PLEKHA5: variants seen among roughly 807,000 people sequenced by gnomAD.
PLEKHA5 encodes the protein pleckstrin homology domain containing A5.
In PLEKHA5, 55 loss-of-function variants were observed where a neutral mutation model predicts 181.9. The ratio of observed to expected loss-of-function variants is 0.30; its 90% CI spans 0.24 to 0.38. The LOEUF (loss-of-function observed/expected upper bound fraction) is 0.38. PLEKHA5 is among the 10% of genes least tolerant of loss of function. PLEKHA5 has a pLI of 1.00. For missense variants in PLEKHA5, 1,432 were observed against 1,549.5 expected (o/e 0.92, Z 1.27); for synonymous variants, 535 against 529.4 (o/e 1.01, Z -0.15).
intron 3 of PLEKHA5, among the ~76,000 whole-genome samples, chr12:19,202,490 A>G (rs1168149212): frequency 1.3e-5 from 2 of 152,030 alleles, no homozygotes; most frequent in African/African-American, 2.4e-5. Flanking sequence ...GGCTCCACTG[A>G]CAGGTCAGGT....
rs757160330 is a variant in PLEKHA5 at position 19,283,713 on chromosome 12, A to G, written c.1747A>G (p.Ile583Val). Reference sequence around the variant, plus strand: ...ACCAATTCAGAGAGGAGATGTGACAATAGACCGCAGACACAGGGCCCATCA... The same window carrying G: ...ACCAATTCAGAGAGGAGATGTGACAGTAGACCGCAGACACAGGGCCCATCA... ...SSPIQRGDVT[I>V]DRRHRAHHPK... is the part of the protein sequence containing the mutation. The change falls in exon 12 of 32, where the codon ATA becomes GTA. Residue 583 changes from isoleucine to valine, a missense_variant. Physicochemically the swap from Ile to Val is conservative, Grantham distance 29. Around this residue, in one of 2 missense-constraint regions of PLEKHA5, gnomAD observed 1,143 missense variants for 1,168.4 expected, o/e 0.98. Transcript: ENST00000429027. 20 of 1,613,874 alleles carry G rather than the reference A, an allele frequency of 1.2e-5. No individual in the cohort carries two copies. Among genetic ancestry groups the G allele is most frequent in the Non-Finnish European group, 1.7e-5 (20 of 1,179,854 alleles).
At chr12:19,132,049 C>T (rs1385335732) in intron 2 of PLEKHA5, among the ~76,000 whole-genome samples, 2 of 152,146 alleles carry the variant, frequency 1.3e-5, no homozygotes, top group African/African-American at 4.8e-5. Flanking sequence ...CTGTTATACC[C>T]AGCTTTTTTT....
chr12:19,350,838 A>T (rs1037645950), intron 25 of PLEKHA5, among the ~76,000 whole-genome samples: 1 of 152,228 alleles, frequency 6.6e-6, no homozygotes, highest in Admixed American at 6.5e-5. Flanking sequence ...TCATTGTTGG[A>T]ATATTTTTCT....
intron 15 of PLEKHA5, among the ~76,000 whole-genome samples, chr12:19,312,947 A>T (rs923579011): frequency 6.6e-6 from 1 of 152,170 alleles, no homozygotes; most frequent in Non-Finnish European, 1.5e-5. Context: ...TTTCACTTGC[A>T]CTGTTAGAAG....
intron 29 of PLEKHA5, among the ~76,000 whole-genome samples, chr12:19,363,733 C>T (rs1216274665): frequency 1.3e-5 from 2 of 152,036 alleles, no homozygotes; most frequent in Non-Finnish European, 2.9e-5. Flanking sequence ...CTCAGGTGAT[C>T]CACCCGCCTC....
At chr12:19,362,772 AAAAG>A (rs1167026751) in intron 29 of PLEKHA5, among the ~76,000 whole-genome samples, 2 of 152,094 alleles carry the variant, frequency 1.3e-5, no homozygotes, top group Non-Finnish European at 2.9e-5. Context: ...AAAAATTTTA[AAAAG>A]AGAGATAAAT....
intron 16 of PLEKHA5, among the ~76,000 whole-genome samples, chr12:19,319,050 AT>A (rs2089953697): frequency 6.6e-6 from 1 of 152,172 alleles, no homozygotes; most frequent in African/African-American, 2.4e-5. Context: ...AGATCTACCT[AT>A]TTAAAACTTA....
chr12:19,244,800 A>C (rs1335377646), intron 3 of PLEKHA5, among the ~76,000 whole-genome samples: 1 of 152,214 alleles, frequency 6.6e-6, no homozygotes, highest in African/African-American at 2.4e-5. Flanking sequence ...AACACTGCAT[A>C]ATAAAGGTTG....
chr12:19,210,995 C>T (rs1011872943), intron 3 of PLEKHA5, among the ~76,000 whole-genome samples: 7 of 151,942 alleles, frequency 4.6e-5, no homozygotes, highest in African/African-American at 1.7e-4. Context: ...TAAATCTAGA[C>T]ATTAACATGA....
At chr12:19,334,868 A>ATATATATC (rs1279488392) in intron 20 of PLEKHA5, among the ~76,000 whole-genome samples, 1 of 52,496 alleles carries the variant, frequency 1.9e-5, no homozygotes, top group African/African-American at 5.4e-5. Context: ...ATATATATAT[A>ATATATATC]TCTCTGTATA....
intron 3 of PLEKHA5, among the ~76,000 whole-genome samples, chr12:19,224,092 AACTGTCTTCCTCC>A (rs2059362828): frequency 6.6e-6 from 1 of 152,342 alleles, no homozygotes; most frequent in East Asian, 1.9e-4. Context: ...TTAATAGATT[AACTGTCTTCCTCC>A]ACTGTTTATA....
At chr12:19,329,630 C>G (rs937408235) in intron 20 of PLEKHA5, among the ~76,000 whole-genome samples, 1 of 152,054 alleles carries the variant, frequency 6.6e-6, no homozygotes. Context: ...TAGTGGTGTT[C>G]GTAATTGTCT....
chr12:19,197,124 ATCTTACTTCACT>A (rs2052993360), intron 3 of PLEKHA5, among the ~76,000 whole-genome samples: 1 of 152,082 alleles, frequency 6.6e-6, no homozygotes, highest in South Asian at 2.1e-4. Context: ...CTCTGTTCAG[ATCTTACTTCACT>A]TCCTGGCAGC....
intron 3 of PLEKHA5, among the ~76,000 whole-genome samples, chr12:19,228,677 T>C (rs2060019327): frequency 6.6e-6 from 1 of 152,236 alleles, no homozygotes; most frequent in South Asian, 2.1e-4. Context: ...CAAAGTCCAT[T>C]TGTGCAGTAG....
intron 29 of PLEKHA5, among the ~76,000 whole-genome samples, chr12:19,365,705 G>T (rs576873429): frequency 8.5e-5 from 13 of 152,264 alleles, no homozygotes; most frequent in African/African-American, 2.9e-4. Context: ...TGTAGAATCT[G>T]CTTTAAATGG....
intron 21 of PLEKHA5, 108 bp from the exon 22 acceptor site, chr12:19,343,215 C>A: frequency 1.7e-6 from 1 of 597,714 alleles, no homozygotes. Flanking sequence ...ACACTTAATT[C>A]ACTGCAATTT....
chr12:19,319,925 A>G, intron 16 of PLEKHA5, 96 bp from the exon 17 acceptor site: 1 of 718,106 alleles, frequency 1.4e-6, no homozygotes, highest in Non-Finnish European at 2.2e-6. Flanking sequence ...AAATTTGACT[A>G]TCCATAGTTT....
At chr12:19,149,000 A>G (rs939866461) in intron 3 of PLEKHA5, among the ~76,000 whole-genome samples, 1 of 152,190 alleles carries the variant, frequency 6.6e-6, no homozygotes, top group African/African-American at 2.4e-5. Flanking sequence ...TAGTAGAAGT[A>G]AAGTCCTTTG....
At chr12:19,132,923 C>CTTT (rs35045706) in intron 3 of PLEKHA5, among the ~76,000 whole-genome samples, 1 of 118,292 alleles carries the variant, frequency 8.5e-6, no homozygotes, top group African/African-American at 3.1e-5. Flanking sequence ...ACGTGAACAT[C>CTTT]TTTTTTTTTT....
Sources: gnomAD v4.1 joint callset for allele counts (sites outside exome capture counted in the v4.1 genomes callset) on GRCh38, gnomAD v4.1.1 for gene constraint, gnomAD v4.1.1 regional missense constraint, MANE v1.5 for transcripts, NCBI Gene and HGNC (gene_info 2026-07-23, HGNC 2026-07-21) for gene names.